Variants in GABRG3 observed in about 807,000 individuals in gnomAD.
GABRG3 encodes the protein gamma-aminobutyric acid receptor subunit gamma-3.
GABRG3 carries 25 observed loss-of-function variants against 48.8 expected under a neutral mutation model. The observed-to-expected ratio is 0.51, with a 90% CI of 0.37 to 0.72. GABRG3 has a LOEUF of 0.72. Among genes scored for constraint, GABRG3 ranks in the 30% least tolerant of loss-of-function variants. GABRG3 has a pLI of 0.00. For missense variants in GABRG3, 394 were observed against 577.9 expected (o/e 0.68, Z 3.26); for synonymous variants, 227 against 217.6 (o/e 1.04, Z -0.38).
At chr15:27,310,864 A>T (rs1892970346) in intron 3 of GABRG3, among the ~76,000 whole-genome samples, 1 of 152,202 alleles carries the variant, frequency 6.6e-6, no homozygotes, top group Admixed American at 6.5e-5. Context: ...CAGGTGGAGC[A>T]GTGAGGAAAC....
chr15:27,110,505 A>G (rs1215763912), intron 3 of GABRG3, among the ~76,000 whole-genome samples: 6 of 151,506 alleles, frequency 4.0e-5, no homozygotes, highest in Admixed American at 2.0e-4. Flanking sequence ...TTTCTGACCT[A>G]TGTAATTCTG....
At chr15:27,223,017 A>G (rs971953817) in intron 3 of GABRG3, among the ~76,000 whole-genome samples, 2 of 152,172 alleles carry the variant, frequency 1.3e-5, no homozygotes, top group African/African-American at 4.8e-5. Context: ...ATTCTTATTT[A>G]CTTTTCTGAG....
At chr15:27,197,469 A>ATT (rs36104116) in intron 3 of GABRG3, among the ~76,000 whole-genome samples, 7 of 143,384 alleles carry the variant, frequency 4.9e-5, no homozygotes, top group Non-Finnish European at 7.7e-5. Flanking sequence ...TTTAACGGCT[A>ATT]TTTTTTTTTT....
intron 2 of GABRG3, among the ~76,000 whole-genome samples, chr15:27,023,175 C>A (rs1221956058): frequency 6.6e-6 from 1 of 152,074 alleles, no homozygotes; most frequent in East Asian, 1.9e-4. Context: ...TTAAAATATT[C>A]CTATTTCTTT....
chr15:27,173,729 A>G (rs1322078036), intron 3 of GABRG3, among the ~76,000 whole-genome samples: 1 of 151,466 alleles, frequency 6.6e-6, no homozygotes, highest in Non-Finnish European at 1.5e-5. Flanking sequence ...AAAAAAATTA[A>G]ACATTAGTGT....
intron 3 of GABRG3, among the ~76,000 whole-genome samples, chr15:27,070,636 G>A (rs891256457): frequency 1.3e-5 from 2 of 152,120 alleles, no homozygotes; most frequent in Non-Finnish European, 2.9e-5. Flanking sequence ...AAATGTTAAG[G>A]TTTATGACAA....
At position 27,405,068 on chromosome 15, in the gene GABRG3, T is replaced by C. The variant is rs553582055; in HGVS notation, c.575-75582T>C. ...GAATAGAGATCCCAAGACACAATGATGCTTCCCCAGAAACCTGTTATTCTA... is the reference window on the plus strand; with the variant it reads ...GAATAGAGATCCCAAGACACAATGACGCTTCCCCAGAAACCTGTTATTCTA... On this transcript the variant is annotated intron_variant, in intron 5 of 9. Transcript: ENST00000615808. 4.6e-5 allele frequency among the ~76,000 whole-genome samples: 7 copies of C among 152,318 alleles called. No homozygotes were observed. In the East Asian group the frequency reaches 7.7e-4, roughly 17 times the overall value.
intron 3 of GABRG3, among the ~76,000 whole-genome samples, chr15:27,183,811 T>C (rs1022265073): frequency 8.5e-5 from 13 of 152,216 alleles, no homozygotes; most frequent in Admixed American, 1.3e-4. Context: ...AATATATATT[T>C]AATCTATGTG....
Position 27,216,619 on chromosome 15 carries a change from C to T in GABRG3, c.271-110190C>T, listed in dbSNP as rs115373108. 4.4e-3 allele frequency among the ~76,000 whole-genome samples: 671 copies of T among 152,224 alleles called. 6 individuals carry two copies. The highest frequency in any genetic ancestry group is 0.015 in the African/African-American group (635 of 41,544). ...CCTCCTGGGAATCGATCGTTAGTCA[C>T]CAAATTTCAATGGAACTCAAAGCAG... is the stretch of plus-strand genomic sequence containing the variant. On this transcript the variant is annotated intron_variant, in intron 3 of 9. Transcript: ENST00000615808.
chr15:27,340,716 A>G (rs945076344), intron 5 of GABRG3: 1 of 154,782 alleles, frequency 6.5e-6, no homozygotes, highest in Non-Finnish European at 1.4e-5. Flanking sequence ...CATGGTTATC[A>G]CCTCCTTGCT....
chr15:27,008,302 G>A (rs1490727248), intron 2 of GABRG3, among the ~76,000 whole-genome samples: 3 of 152,170 alleles, frequency 2.0e-5, no homozygotes, highest in Non-Finnish European at 4.4e-5. Context: ...GGTTAAACAT[G>A]AGCCCACGTG....
chr15:27,235,360 A>C (rs1889926583), intron 3 of GABRG3, among the ~76,000 whole-genome samples: 1 of 152,178 alleles, frequency 6.6e-6, no homozygotes, highest in Admixed American at 6.5e-5. Flanking sequence ...GCAAATCCTC[A>C]GGCTTTCTTA....
At chr15:27,252,139 G>T (rs1890476806) in intron 3 of GABRG3, among the ~76,000 whole-genome samples, 1 of 152,170 alleles carries the variant, frequency 6.6e-6, no homozygotes, top group Non-Finnish European at 1.5e-5. Context: ...GGGGACACGA[G>T]GGTGATTGTT....
intron 5 of GABRG3, among the ~76,000 whole-genome samples, chr15:27,346,792 C>G (rs143310501): frequency 2.7e-4 from 41 of 151,426 alleles, no homozygotes; most frequent in Admixed American, 2.6e-3. Context: ...TTTCCTTCTT[C>G]TTGTTTCCAG....
intron 3 of GABRG3, among the ~76,000 whole-genome samples, chr15:27,036,099 G>C (rs988362224): frequency 1.3e-5 from 2 of 152,212 alleles, no homozygotes; most frequent in Non-Finnish European, 2.9e-5. Flanking sequence ...AAGCTGTGGT[G>C]TTCATGAGGC....
At chr15:27,047,103 C>G (rs967330221) in intron 3 of GABRG3, among the ~76,000 whole-genome samples, 3 of 152,156 alleles carry the variant, frequency 2.0e-5, no homozygotes, top group Admixed American at 6.5e-5. Flanking sequence ...GGTTTCCTCT[C>G]CAGAGATAAA....
At chr15:27,155,327 T>G (rs1379144359) in intron 3 of GABRG3, among the ~76,000 whole-genome samples, 1 of 152,206 alleles carries the variant, frequency 6.6e-6, no homozygotes, top group Non-Finnish European at 1.5e-5. Context: ...AATTGCTTGT[T>G]GAAACATTTT....
At chr15:27,206,934 T>G (rs527553455) in intron 3 of GABRG3, among the ~76,000 whole-genome samples, 1 of 152,312 alleles carries the variant, frequency 6.6e-6, no homozygotes, top group East Asian at 1.9e-4. Flanking sequence ...ACTTGGAGCC[T>G]ATGGGTATCA....
chr15:27,148,832 A>C (rs11263703), intron 3 of GABRG3, among the ~76,000 whole-genome samples: 127,556 of 151,870 alleles, frequency 0.84, 54,235 homozygotes, highest in Non-Finnish European at 0.88. Context: ...ATACTAAGAA[A>C]AGAAGGTAGC....
Sources: allele counts gnomAD v4.1 joint callset (sites outside exome capture counted in the v4.1 genomes callset), GRCh38; gene constraint gnomAD v4.1.1; transcripts MANE v1.5; gene names NCBI Gene and HGNC (gene_info 2026-07-23, HGNC 2026-07-21).